Variants in GSE1 observed in about 807,000 individuals in gnomAD.
The protein encoded by GSE1 is genetic suppressor element 1.
Under a neutral mutation model 112.6 loss-of-function variants are expected in GSE1, and 32 were observed. That is an observed-to-expected ratio of 0.28 (90% CI 0.21 to 0.38). The LOEUF (loss-of-function observed/expected upper bound fraction) is 0.38. Ranked by LOEUF, GSE1 falls within the 10% of genes least tolerant of loss-of-function variation. The probability of loss-of-function intolerance (pLI) is 1.00; values close to 1 mark genes in which losing one functional copy is unlikely to be tolerated. For synonymous variants in GSE1, 1,115 were observed against 735.6 expected, an observed-to-expected ratio of 1.52 and a Z score of -8.35; for missense variants, 2,348 against 1,699.2, an observed-to-expected ratio of 1.38 and a Z score of -6.71.
chr16:85,292,330 T>TC (rs1282061526), intron 1 of GSE1, among the ~76,000 whole-genome samples: 1 of 146,356 alleles, frequency 6.8e-6, no homozygotes, highest in African/African-American at 2.6e-5. Context: ...TTGTTTTTGT[T>TC]TTTTTTTTTT....
chr16:85,517,692 C>G (rs749313076), intron 2 of GSE1, among the ~76,000 whole-genome samples: 3 of 152,232 alleles, frequency 2.0e-5, no homozygotes, highest in Non-Finnish European at 4.4e-5. Flanking sequence ...ATCTCACCAG[C>G]AGAGCATCTT....
In GSE1 at chr16:85,376,427, C is replaced by T. The variant is rs547688459; in HGVS notation, c.2464+18784C>T. Among the ~76,000 whole-genome samples, 9 of 152,302 alleles carry T rather than the reference C, an allele frequency of 5.9e-5. No individual in the cohort carries two copies. The South Asian group carries it at 6.2e-4, about 11-fold the overall frequency. ...CATTAGGGCTGGGCTGGGGTGAGTT[C>T]GGTGGCTGCGCGGGCTGGTCTGGCC... On this transcript the variant is annotated intron_variant, in intron 2 of 2. Transcript: ENST00000637419.
chr16:85,272,566 G>A lies in GSE1; in HGVS notation c.2284-84897G>A, dbSNP rs184377788. Among the ~76,000 whole-genome samples, 857 of 152,236 alleles carry A rather than the reference G, an allele frequency of 5.6e-3. 11 individuals carry two copies. The highest frequency in any genetic ancestry group is 0.02 in the African/African-American group (814 of 41,542). On this transcript the variant is annotated intron_variant, in intron 1 of 2. Transcript: ENST00000637419. ...CTGGGGTCCCTCAGGCCCAGGCAGT[G>A]GGAGGGGTGGAGCCGTGCTCAGAGC...
chr16:85,375,029 C>T (rs144145172), intron 2 of GSE1, among the ~76,000 whole-genome samples: 4 of 152,288 alleles, frequency 2.6e-5, no homozygotes, highest in Non-Finnish European at 5.9e-5. Flanking sequence ...CGCAGCCACT[C>T]GCTGCTGTGT....
At chr16:85,672,310 G>A (rs770352421) in intron 15 of GSE1, 95 bp from the exon 16 acceptor site, 49 of 912,780 alleles carry the variant, frequency 5.4e-5, no homozygotes, top group Non-Finnish European at 8.3e-5. Context: ...ATTTTCAAAT[G>A]TAGGTTTACC....
At chr16:85,561,957 G>A (rs1009381745) in intron 1 of GSE1, among the ~76,000 whole-genome samples, 36 of 152,326 alleles carry the variant, frequency 2.4e-4, no homozygotes, top group African/African-American at 8.7e-4. Flanking sequence ...CAACTCCCAG[G>A]GTGCTTGGAG....
At chr16:85,331,696 TATATA>T (rs1567693470) in intron 1 of GSE1, among the ~76,000 whole-genome samples, 2 of 91,768 alleles carry the variant, frequency 2.2e-5, no homozygotes, top group African/African-American at 8.5e-5. Context: ...TATATATATA[TATATA>T]TATATATTTT....
At chr16:85,182,175 G>A (rs1042278397) in intron 1 of GSE1, among the ~76,000 whole-genome samples, 3 of 152,146 alleles carry the variant, frequency 2.0e-5, no homozygotes, top group African/African-American at 7.2e-5. Context: ...GCCCCCCGCT[G>A]CCAGGAGTCC....
At chr16:85,180,752 T>C (rs2074566895) in intron 1 of GSE1, among the ~76,000 whole-genome samples, 1 of 152,160 alleles carries the variant, frequency 6.6e-6, no homozygotes, top group Admixed American at 6.5e-5. Context: ...ACACCCATCC[T>C]GAATGGGAAG....
intron 2 of GSE1, among the ~76,000 whole-genome samples, chr16:85,509,537 G>A (rs528059559): frequency 2.6e-5 from 4 of 152,342 alleles, no homozygotes; most frequent in South Asian, 2.1e-4. Flanking sequence ...TTTGGCCAGC[G>A]ACCCCTGGCC....
At chr16:85,323,105 C>G (rs2046148818) in intron 1 of GSE1, among the ~76,000 whole-genome samples, 1 of 151,962 alleles carries the variant, frequency 6.6e-6, no homozygotes, top group African/African-American at 2.4e-5. Context: ...TTGTTTCTGA[C>G]CGTTTGTGGT....
At chr16:85,476,935 T>C (rs2050476232) in intron 2 of GSE1, among the ~76,000 whole-genome samples, 1 of 150,024 alleles carries the variant, frequency 6.7e-6, no homozygotes, top group African/African-American at 2.5e-5. Flanking sequence ...CTTTTTTTTT[T>C]TTTTTTTTGA....
chr16:85,298,652 C>T (rs1394403808), intron 1 of GSE1, among the ~76,000 whole-genome samples: 4 of 152,170 alleles, frequency 2.6e-5, no homozygotes, highest in African/African-American at 9.7e-5. Context: ...TTCTCGAACT[C>T]CTGACCTCAA....
At chr16:85,508,064 T>G (rs2051600249) in intron 2 of GSE1, among the ~76,000 whole-genome samples, 1 of 152,168 alleles carries the variant, frequency 6.6e-6, no homozygotes, top group African/African-American at 2.4e-5. Flanking sequence ...AGATGGAGTC[T>G]TGCTGTGTCG....
chr16:85,562,613 A>C (rs922409810), intron 1 of GSE1, among the ~76,000 whole-genome samples: 1 of 152,236 alleles, frequency 6.6e-6, no homozygotes, highest in Non-Finnish European at 1.5e-5. Context: ...CAAGCCACAC[A>C]GCTCCTGGAC....
intron 2 of GSE1, among the ~76,000 whole-genome samples, chr16:85,517,077 G>A (rs1397459236): frequency 5.3e-5 from 8 of 152,206 alleles, no homozygotes; most frequent in South Asian, 2.1e-4. Flanking sequence ...CATCACAGGC[G>A]TGAGCCACCG....
intron 2 of GSE1, among the ~76,000 whole-genome samples, chr16:85,641,071 G>C (rs1345595079): frequency 6.6e-6 from 1 of 152,240 alleles, no homozygotes; most frequent in Non-Finnish European, 1.5e-5. Flanking sequence ...GCCTGTCCTG[G>C]GATAATGGAG....
chr16:85,333,333 C>T (rs974932688), intron 1 of GSE1, among the ~76,000 whole-genome samples: 1 of 152,178 alleles, frequency 6.6e-6, no homozygotes, highest in Non-Finnish European at 1.5e-5. Context: ...GGCAAAATCC[C>T]CTCCCAGCAG....
chr16:85,536,907 A>G (rs550312518), intron 2 of GSE1, among the ~76,000 whole-genome samples: 1 of 152,344 alleles, frequency 6.6e-6, no homozygotes, highest in East Asian at 1.9e-4. Context: ...GGAACCGGCG[A>G]GGAATGGTGA....
Sources: allele counts gnomAD v4.1 joint callset (sites outside exome capture counted in the v4.1 genomes callset), GRCh38; gene constraint gnomAD v4.1.1; transcripts MANE v1.5; gene names NCBI Gene and HGNC (gene_info 2026-07-23, HGNC 2026-07-21).